Variants in ROBO1 observed in about 807,000 individuals in gnomAD.
The protein encoded by ROBO1 is roundabout guidance receptor 1.
Under a neutral mutation model 195.9 loss-of-function variants are expected in ROBO1, and 149 were observed. That is an observed-to-expected ratio of 0.76 (90% confidence interval 0.67 to 0.87). The LOEUF (loss-of-function observed/expected upper bound fraction) is 0.87. Ranked by LOEUF, ROBO1 falls within the 40% of genes least tolerant of loss-of-function variation. The probability of loss-of-function intolerance (pLI) is 0.00; values close to 1 mark genes in which losing one functional copy is unlikely to be tolerated. For synonymous variants in ROBO1, 816 were observed against 733.2 expected (o/e 1.11, Z -1.82); for missense variants, 1,933 against 2,068.3 (o/e 0.93, Z 1.27).
chr3:79,557,021 T>G (rs1247063871), intron 2 of ROBO1, among the ~76,000 whole-genome samples: 2 of 98,960 alleles, frequency 2.0e-5, no homozygotes, highest in East Asian at 2.0e-4. Context: ...TTTTTTGTTG[T>G]TTTTTTTTTT....
At chr3:79,259,116 T>C (rs1228019089) in intron 2 of ROBO1, among the ~76,000 whole-genome samples, 3 of 152,122 alleles carry the variant, frequency 2.0e-5, no homozygotes, top group African/African-American at 7.2e-5. Flanking sequence ...AAATAATTTA[T>C]CCTTTGAGTT....
rs758212074 is a variant in ROBO1 at position 78,668,560 on chromosome 3, AC to A, written c.1553del (p.Gly518ValfsTer42). 6.2e-7 allele frequency: 1 copy of A among 1,613,370 alleles called. No individual in the cohort carries two copies. The highest frequency in any genetic ancestry group is 8.5e-7 in the Non-Finnish European group (1 of 1,179,496). ...CAATGCAGGTGTACCGACCAGTATC[AC>A]CCAGCTGAGAAGGCAGACAAAAAAT... ...GVLQIRYAKL[G>X]DTGRYTCIAS... On this transcript the variant is annotated frameshift_variant, in exon 12 of 31. Transcript: ENST00000464233. LOFTEE classifies it high-confidence loss of function.
At chr3:78,722,633 C>G (rs1041811554) in intron 5 of ROBO1, among the ~76,000 whole-genome samples, 1 of 152,002 alleles carries the variant, frequency 6.6e-6, no homozygotes, top group Non-Finnish European at 1.5e-5. Context: ...GTATTCTTTA[C>G]CAAGATTACC....
rs576418333 is a variant in ROBO1, at chr3:79,675,877, C to G, written c.-50-85916G>C. Among the ~76,000 whole-genome samples the G allele has an allele frequency of 6.6e-5, 10 of 152,108 alleles. 1 individual carries two copies. Among genetic ancestry groups the G allele is most frequent in the African/African-American group, 2.4e-4 (10 of 41,520 alleles). On this transcript the variant is annotated intron_variant, in intron 1 of 30. Transcript: ENST00000464233. ...TCTATCAGGTTCAGAACATGCTGTG[C>G]CAGTTAATTTCCAGCAGATCATTCT...
intron 10 of ROBO1, among the ~76,000 whole-genome samples, chr3:78,684,734 G>A (rs1425004902): frequency 1.3e-5 from 2 of 151,974 alleles, no homozygotes; most frequent in Non-Finnish European, 2.9e-5. Flanking sequence ...AGAAAGATGA[G>A]GAGTCAAAGA....
At chr3:79,323,085 CTT>C (rs1175827885) in intron 2 of ROBO1, among the ~76,000 whole-genome samples, 10 of 142,218 alleles carry the variant, frequency 7.0e-5, no homozygotes, top group Admixed American at 1.4e-4. Flanking sequence ...TTCTTTCTTT[CTT>C]TTTTTTTTTT....
chr3:79,375,678 T>C (rs941564687), intron 2 of ROBO1, among the ~76,000 whole-genome samples: 1 of 152,152 alleles, frequency 6.6e-6, no homozygotes, highest in Non-Finnish European at 1.5e-5. Flanking sequence ...CTGGAGGAGA[T>C]GAGAAAACTA....
intron 2 of ROBO1, among the ~76,000 whole-genome samples, chr3:79,582,143 A>G (rs1357158889): frequency 6.6e-6 from 1 of 151,938 alleles, no homozygotes; most frequent in South Asian, 2.1e-4. Context: ...AAGAAATCCT[A>G]TAACTATCAT....
intron 3 of ROBO1, among the ~76,000 whole-genome samples, chr3:78,947,891 A>T (rs1286524056): frequency 6.6e-6 from 1 of 152,200 alleles, no homozygotes; most frequent in African/African-American, 2.4e-5. Flanking sequence ...AATACTATAA[A>T]CACCTCTACA....
At chr3:78,972,454 A>T (rs539329048) in intron 3 of ROBO1, among the ~76,000 whole-genome samples, 7 of 152,356 alleles carry the variant, frequency 4.6e-5, no homozygotes, top group African/African-American at 7.2e-5. Context: ...TATTATGACA[A>T]TGATATTACA....
intron 4 of ROBO1, chr3:78,759,218 GACA>G (rs1386739259): frequency 1.3e-5 from 2 of 152,868 alleles, no homozygotes; most frequent in East Asian, 3.8e-4. Context: ...TAAGGCTGAT[GACA>G]ACATGATACT....
At chr3:78,837,072 A>C (rs972068264) in intron 4 of ROBO1, among the ~76,000 whole-genome samples, 39 of 152,338 alleles carry the variant, frequency 2.6e-4, no homozygotes, top group African/African-American at 8.9e-4. Flanking sequence ...AATGGATATA[A>C]AATCATAATT....
chr3:78,699,510 A>C (rs1316275782), intron 8 of ROBO1, among the ~76,000 whole-genome samples: 6 of 150,826 alleles, frequency 4.0e-5, no homozygotes, highest in African/African-American at 1.5e-4. Context: ...TGGAGGTTGC[A>C]GTGAGTCAAG....
At chr3:79,715,610 A>G (rs1279787447) in intron 1 of ROBO1, among the ~76,000 whole-genome samples, 1 of 152,124 alleles carries the variant, frequency 6.6e-6, no homozygotes, top group Non-Finnish European at 1.5e-5. Context: ...GACTCACTTT[A>G]TGGTGATATG....
chr3:79,757,051 A>G (rs1247929988), intron 1 of ROBO1, among the ~76,000 whole-genome samples: 3 of 151,936 alleles, frequency 2.0e-5, no homozygotes, highest in South Asian at 2.1e-4. Flanking sequence ...TTGTTTGTTT[A>G]TTCATTCATT....
intron 4 of ROBO1, among the ~76,000 whole-genome samples, chr3:78,876,330 T>TA (rs2035844589): frequency 6.6e-6 from 1 of 152,094 alleles, no homozygotes; most frequent in Non-Finnish European, 1.5e-5. Context: ...AGAAAATCTT[T>TA]AAAAAACTGT....
intron 1 of ROBO1, among the ~76,000 whole-genome samples, chr3:79,606,923 A>G (rs982992144): frequency 2.6e-5 from 4 of 152,010 alleles, no homozygotes; most frequent in African/African-American, 7.2e-5. Context: ...AGGACCATCA[A>G]TGTAAGATAT....
At chr3:79,115,167 CA>C (rs2079969483) in intron 3 of ROBO1, among the ~76,000 whole-genome samples, 1 of 152,086 alleles carries the variant, frequency 6.6e-6, no homozygotes, top group Admixed American at 6.5e-5. Flanking sequence ...TTTCAAATCA[CA>C]AATGTGCACT....
At chr3:78,790,525 C>T (rs1342075028) in intron 4 of ROBO1, among the ~76,000 whole-genome samples, 1 of 152,122 alleles carries the variant, frequency 6.6e-6, no homozygotes, top group Non-Finnish European at 1.5e-5. Context: ...TTATTCAATA[C>T]CATCACCCTG....
Sources: gnomAD v4.1 joint callset for allele counts (sites outside exome capture counted in the v4.1 genomes callset) on GRCh38, gnomAD v4.1.1 for gene constraint, MANE v1.5 for transcripts, NCBI Gene and HGNC (gene_info 2026-07-23, HGNC 2026-07-21) for gene names.